CFAP144: variants seen among roughly 807,000 people sequenced by gnomAD.
CFAP144 encodes cilia- and flagella-associated protein 144.
the CFAP144 span, among the ~76,000 whole-genome samples, chr1:43,147,625 C>T: frequency 6.6e-6 from 1 of 152,228 alleles, no homozygotes; most frequent in Non-Finnish European, 1.5e-5. Flanking sequence ...TGTCCCTTAC[C>T]TCCTGGGTCT....
chr1:43,145,214 A>T, the CFAP144 span: 1 of 1,527,678 alleles, frequency 6.5e-7, no homozygotes, highest in Non-Finnish European at 8.9e-7. Context: ...CTTGGTCTGT[A>T]GCCACAGAGC....
the CFAP144 span, chr1:43,145,374 T>G: frequency 9.3e-7 from 1 of 1,072,530 alleles, no homozygotes. Context: ...AGGTCCCTGC[T>G]GTAGATAGAT....
the CFAP144 span, chr1:43,156,145 C>T: frequency 6.7e-7 from 1 of 1,485,082 alleles, no homozygotes; most frequent in Non-Finnish European, 9.4e-7. Context: ...CCATTGACTC[C>T]AAACCCAGGT....
the CFAP144 span, chr1:43,152,772 G>T: frequency 6.6e-7 from 1 of 1,519,946 alleles, no homozygotes; most frequent in Admixed American, 2.0e-5. Context: ...AAGGGCACAG[G>T]ACCAACCTCT....
chr1:43,150,469 T>A, the CFAP144 span, among the ~76,000 whole-genome samples: 3 of 152,220 alleles, frequency 2.0e-5, no homozygotes, highest in African/African-American at 7.2e-5. Context: ...GCACTTGAAG[T>A]GTGACTAACG....
chr1:43,155,465 A>G, the CFAP144 span, among the ~76,000 whole-genome samples: 1 of 152,242 alleles, frequency 6.6e-6, no homozygotes, highest in Non-Finnish European at 1.5e-5. Flanking sequence ...TCTCCAGATC[A>G]GTGAGCACTC....
chr1:43,154,607 G>C, the CFAP144 span, among the ~76,000 whole-genome samples: 1 of 151,932 alleles, frequency 6.6e-6, no homozygotes, highest in East Asian at 1.9e-4. Context: ...ATATAAATAT[G>C]AATAATGGGT....
the CFAP144 span, among the ~76,000 whole-genome samples, chr1:43,154,478 G>A: frequency 6.6e-6 from 1 of 150,848 alleles, no homozygotes; most frequent in Non-Finnish European, 1.5e-5. Flanking sequence ...TTGGTACAAA[G>A]AGACAGGTAT....
the CFAP144 span, chr1:43,152,687 C>T: frequency 1.2e-6 from 1 of 801,370 alleles, no homozygotes; most frequent in Non-Finnish European, 1.9e-6. Context: ...AGAGACCAGA[C>T]ACCCTGGTCT....
the CFAP144 span, chr1:43,156,149 C>A: frequency 1.3e-6 from 2 of 1,504,066 alleles, no homozygotes; most frequent in Non-Finnish European, 1.9e-6. Flanking sequence ...TGACTCCAAA[C>A]CCAGGTCCTC....
At chr1:43,143,055 C>T in the CFAP144 span, among the ~76,000 whole-genome samples, 1 of 152,014 alleles carries the variant, frequency 6.6e-6, no homozygotes, top group Non-Finnish European at 1.5e-5. Context: ...ATTTGCCACC[C>T]AGCTAATAAG....
chr1:43,143,115 G>A, the CFAP144 span, among the ~76,000 whole-genome samples: 27 of 152,016 alleles, frequency 1.8e-4, no homozygotes, highest in African/African-American at 6.5e-4. Context: ...TCTCACGACC[G>A]TCAAGTACAC....
chr1:43,156,158 T>C, the CFAP144 span: 4 of 1,548,088 alleles, frequency 2.6e-6, no homozygotes, highest in African/African-American at 5.4e-5. Flanking sequence ...ACCCAGGTCC[T>C]CCTGCATCCT....
At chr1:43,149,591 T>A in the CFAP144 span, among the ~76,000 whole-genome samples, 1 of 152,202 alleles carries the variant, frequency 6.6e-6, no homozygotes, top group South Asian at 2.1e-4. Flanking sequence ...AGCAAATTAG[T>A]GTCCAAAGCC....
the CFAP144 span, among the ~76,000 whole-genome samples, chr1:43,147,006 T>G: frequency 1.4e-4 from 21 of 152,234 alleles, no homozygotes; most frequent in East Asian, 4.1e-3. Flanking sequence ...CCATCACGCC[T>G]GGCTAATTTT....
the CFAP144 span, chr1:43,150,959 C>A: frequency 1.5e-6 from 1 of 668,726 alleles, no homozygotes; most frequent in Non-Finnish European, 2.6e-6. Flanking sequence ...CTCATACTAA[C>A]CAAGCTCAAA....
At chr1:43,150,684 G>A in the CFAP144 span, 2 of 1,322,582 alleles carry the variant, frequency 1.5e-6, no homozygotes, top group Non-Finnish European at 2.1e-6. Flanking sequence ...TGGGTGCCCT[G>A]TTTAAGGTGG....
chr1:43,146,618 A>G, the CFAP144 span, among the ~76,000 whole-genome samples: 1 of 152,210 alleles, frequency 6.6e-6, no homozygotes, highest in East Asian at 1.9e-4. Context: ...CAGCCCTCAA[A>G]ATAATATATT....
At chr1:43,155,206 T>C in the CFAP144 span, among the ~76,000 whole-genome samples, 1 of 152,208 alleles carries the variant, frequency 6.6e-6, no homozygotes, top group Non-Finnish European at 1.5e-5. Flanking sequence ...TGTGTGAAGA[T>C]AGAAATCAGC....
Sources: allele counts gnomAD v4.1 joint callset (sites outside exome capture counted in the v4.1 genomes callset), GRCh38; gene constraint gnomAD v4.1.1; transcripts MANE v1.5; gene names NCBI Gene and HGNC (gene_info 2026-07-23, HGNC 2026-07-21).